Variants in CLEC16A observed in about 807,000 individuals in gnomAD.
CLEC16A encodes C-type lectin domain containing 16A, also known as protein CLEC16A.
Under a neutral mutation model 109.5 loss-of-function variants are expected in CLEC16A, and 51 were observed. That is an observed-to-expected ratio of 0.47 (90% CI 0.37 to 0.59). The LOEUF is 0.59. Among genes scored for constraint, CLEC16A ranks in the 20% least tolerant of loss-of-function variants. The pLI is 0.00. For missense variants in CLEC16A, 1,339 were observed against 1,394.0 expected, an observed-to-expected ratio of 0.96 and a Z score of 0.63; for synonymous variants, 673 against 564.2, an observed-to-expected ratio of 1.19 and a Z score of -2.73.
intron 22 of CLEC16A, among the ~76,000 whole-genome samples, chr16:11,158,099 C>G (rs527802135): frequency 2.0e-5 from 3 of 152,198 alleles, no homozygotes; most frequent in Non-Finnish European, 4.4e-5. Flanking sequence ...AAGGGCAGAT[C>G]CAAGGAAGGA....
rs1345504030 is a variant in CLEC16A at position 11,011,526 on chromosome 16, A to G, written c.1303+8221A>G. On this transcript the variant is annotated intron_variant, in intron 11 of 23. Coordinates refer to ENST00000409790, the MANE Select transcript of CLEC16A (RefSeq NM_015226.3). The stretch of plus-strand genomic sequence containing the variant: ...AGTCACTTACACTTTCTGGCATAAC[A>G]TGGTGTTCTGTGTTCATCTAGTACC... 3.3e-5 allele frequency among the ~76,000 whole-genome samples: 5 copies of G among 151,972 alleles called. No homozygotes were observed. The East Asian group carries it at 9.6e-4, about 29-fold the overall frequency.
At chr16:11,018,159 T>C (rs145775562) in intron 11 of CLEC16A, among the ~76,000 whole-genome samples, 421 of 151,618 alleles carry the variant, frequency 2.8e-3, no homozygotes, top group Non-Finnish European at 3.5e-3. Flanking sequence ...ACTAAAAAAT[T>C]AGCCGGGTGT....
intron 6 of CLEC16A, 129 bp from the exon 7 acceptor site, chr16:10,972,809 A>G: frequency 9.9e-7 from 1 of 1,013,848 alleles, no homozygotes; most frequent in Non-Finnish European, 1.4e-6. Flanking sequence ...AAGACAGACA[A>G]TTTCAGATTA....
At chr16:11,046,379 TTA>T (rs1022838734) in intron 16 of CLEC16A, among the ~76,000 whole-genome samples, 1 of 152,138 alleles carries the variant, frequency 6.6e-6, no homozygotes, top group Admixed American at 6.5e-5. Context: ...GTGGTGGTAG[TTA>T]TGTCACACAA....
intron 10 of CLEC16A, among the ~76,000 whole-genome samples, chr16:10,993,254 C>T (rs1193059121): frequency 6.6e-6 from 1 of 152,118 alleles, no homozygotes; most frequent in Non-Finnish European, 1.5e-5. Flanking sequence ...TGATGCGTAC[C>T]TGTGATTCCA....
intron 23 of CLEC16A, among the ~76,000 whole-genome samples, chr16:11,176,346 A>G (rs769038392): frequency 1.3e-5 from 2 of 152,156 alleles, no homozygotes; most frequent in Non-Finnish European, 2.9e-5. Context: ...ACCGATGCCC[A>G]TTGCCACCCT....
intron 10 of CLEC16A, among the ~76,000 whole-genome samples, chr16:10,998,973 T>C (rs764249800): frequency 1.3e-5 from 2 of 152,190 alleles, no homozygotes; most frequent in Non-Finnish European, 2.9e-5. Flanking sequence ...AACTGTGATG[T>C]TTTGGTGTTA....
intron 20 of CLEC16A, among the ~76,000 whole-genome samples, chr16:11,120,975 G>A (rs1387981931): frequency 6.6e-6 from 1 of 152,020 alleles, no homozygotes; most frequent in Admixed American, 6.6e-5. Flanking sequence ...TGACCAAAAC[G>A]CTCGATTCTT....
chr16:11,148,741 A>G (rs2054172348), intron 22 of CLEC16A, among the ~76,000 whole-genome samples: 1 of 152,170 alleles, frequency 6.6e-6, no homozygotes, highest in African/African-American at 2.4e-5. Context: ...AAGCACAGCC[A>G]TCTTGTAGGA....
intron 22 of CLEC16A, among the ~76,000 whole-genome samples, chr16:11,135,011 C>G (rs908478012): frequency 1.4e-4 from 21 of 152,244 alleles, no homozygotes; most frequent in African/African-American, 5.1e-4. Context: ...ACCACCACTT[C>G]CAAACCAGGC....
At chr16:11,063,660 C>G (rs568468977) in intron 19 of CLEC16A, among the ~76,000 whole-genome samples, 2 of 152,244 alleles carry the variant, frequency 1.3e-5, no homozygotes, top group African/African-American at 4.8e-5. Flanking sequence ...TCCCCAGAAG[C>G]CACCCCAAGT....
intron 2 of CLEC16A, among the ~76,000 whole-genome samples, chr16:10,959,472 A>T (rs1596748606): frequency 6.6e-6 from 1 of 152,046 alleles, no homozygotes; most frequent in Non-Finnish European, 1.5e-5. Flanking sequence ...GCTCACCGCA[A>T]CCTCTGCCTC....
chr16:11,022,965 G>A (rs959251415), intron 12 of CLEC16A, among the ~76,000 whole-genome samples: 29 of 147,434 alleles, frequency 2.0e-4, no homozygotes, highest in African/African-American at 6.5e-4. Flanking sequence ...TCGAAACATC[G>A]TTTCTTTTCT....
intron 12 of CLEC16A, among the ~76,000 whole-genome samples, chr16:11,023,479 G>C (rs1292088678): frequency 6.6e-6 from 1 of 152,174 alleles, no homozygotes; most frequent in African/African-American, 2.4e-5. Flanking sequence ...CATCTGAAAG[G>C]TGGTGCCCCA....
chr16:11,109,793 C>A (rs1216640996), intron 19 of CLEC16A, among the ~76,000 whole-genome samples: 1 of 152,200 alleles, frequency 6.6e-6, no homozygotes, highest in Non-Finnish European at 1.5e-5. Flanking sequence ...GTTCCTCAGC[C>A]CCTCCTGACC....
chr16:11,168,694 T>A (rs2068376371), intron 23 of CLEC16A, among the ~76,000 whole-genome samples: 1 of 152,204 alleles, frequency 6.6e-6, no homozygotes, highest in South Asian at 2.1e-4. Context: ...TCCCTCCCAG[T>A]CCACCCAGAC....
intron 10 of CLEC16A, among the ~76,000 whole-genome samples, chr16:10,993,474 C>G (rs774683893): frequency 6.6e-6 from 1 of 152,188 alleles, no homozygotes; most frequent in Admixed American, 6.5e-5. Flanking sequence ...TATTGTCACA[C>G]GCTCCCCATA....
chr16:11,122,785 A>G (rs753968676), intron 20 of CLEC16A, among the ~76,000 whole-genome samples: 1 of 150,280 alleles, frequency 6.7e-6, no homozygotes, highest in Non-Finnish European at 1.5e-5. Flanking sequence ...GTCCGTTCTG[A>G]GGTTTTAGAC....
At chr16:10,978,494 A>C (rs1296332042) in intron 8 of CLEC16A, among the ~76,000 whole-genome samples, 1 of 152,110 alleles carries the variant, frequency 6.6e-6, no homozygotes. Flanking sequence ...CTGGTCTCAA[A>C]CTCCTGATCT....
Sources: gnomAD v4.1 joint callset for allele counts (sites outside exome capture counted in the v4.1 genomes callset) on GRCh38, gnomAD v4.1.1 for gene constraint, MANE v1.5 for transcripts, NCBI Gene and HGNC (gene_info 2026-07-23, HGNC 2026-07-21) for gene names.